SP140L: variants seen among roughly 807,000 people sequenced by gnomAD.
SP140L encodes the protein nuclear body protein SP140-like protein.
A neutral mutation model predicts 84.3 loss-of-function variants in SP140L; 64 were observed. The observed-to-expected ratio is 0.76, with a 90% CI of 0.62 to 0.94. The LOEUF (loss-of-function observed/expected upper bound fraction) is 0.94. Ranked by LOEUF, SP140L falls within the 40% of genes least tolerant of loss-of-function variation. The pLI is 0.00. For synonymous variants in SP140L, 242 were observed against 236.9 expected, an observed-to-expected ratio of 1.02 and a Z score of -0.20; for missense variants, 628 against 692.5, an observed-to-expected ratio of 0.91 and a Z score of 1.05.
At position 230,388,414 on chromosome 2, in the gene SP140L, C is replaced by A. The variant is rs1293645634; in HGVS notation, c.785-145C>A. 6 of 561,932 alleles carry A rather than the reference C, an allele frequency of 1.1e-5. No homozygotes were observed. In the Admixed American group the frequency reaches 2.2e-4, roughly 21 times the overall value. 34.8% of individuals were successfully genotyped at this position (561,932 alleles called of 1,614,324 possible). On this transcript the variant is annotated intron_variant, in intron 9 of 18. Transcript: ENST00000415673. ...ACATTAGCTATCTAATTCTTCATAC[C>A]TTAAAGGCTAGGGTTTAAATCTTTT...
intron 13 of SP140L, among the ~76,000 whole-genome samples, chr2:230,394,503 T>A (rs1255505104): frequency 1.3e-5 from 2 of 152,202 alleles, no homozygotes; most frequent in African/African-American, 4.8e-5. Context: ...AGACATTTCA[T>A]CCACTGGGTT....
chr2:230,353,680 C>T lies in SP140L; in HGVS notation c.108-4125C>T, dbSNP rs145575742. Among the ~76,000 whole-genome samples, 207 of 152,122 alleles carry T rather than the reference C, an allele frequency of 1.4e-3. 3 individuals carry two copies. The highest frequency in any genetic ancestry group is 4.5e-3 in the African/African-American group (185 of 41,520). On this transcript the variant is annotated intron_variant, in intron 2 of 18. Coordinates refer to ENST00000415673, the MANE Select transcript of SP140L (RefSeq NM_138402.6). The stretch of plus-strand genomic sequence containing the variant: ...TTAGTATCAATATCATCAATATTGA[C>T]GATACCTTCGATATCACTAATATTA...
intron 2 of SP140L, among the ~76,000 whole-genome samples, chr2:230,344,452 G>T (rs757864623): frequency 5.3e-5 from 8 of 152,152 alleles, no homozygotes; most frequent in Non-Finnish European, 7.3e-5. Context: ...CATACCGATG[G>T]GTCATGGCTC....
intron 5 of SP140L, among the ~76,000 whole-genome samples, chr2:230,362,606 C>CT (rs2060752018): frequency 6.6e-6 from 1 of 151,696 alleles, no homozygotes; most frequent in Non-Finnish European, 1.5e-5. Context: ...ATGTTATTAA[C>CT]AGCTCACTTT....
intron 5 of SP140L, among the ~76,000 whole-genome samples, chr2:230,368,771 A>G (rs192062498): frequency 6.6e-6 from 1 of 151,884 alleles, no homozygotes; most frequent in Non-Finnish European, 1.5e-5. Flanking sequence ...TATTCATTGT[A>G]TTTTTCAGCT....
At chr2:230,383,674 C>A in intron 8 of SP140L, 99 bp downstream of exon 8, 1 of 1,115,978 alleles carries the variant, frequency 9.0e-7, no homozygotes, top group Non-Finnish European at 1.3e-6. Context: ...CAGGAGAGTT[C>A]TGTACTTCCT....
chr2:230,380,097 G>A lies in SP140L; in HGVS notation c.638-3413G>A, dbSNP rs574063279. ...AGAATACAGGTTTAATTAACTCACAGTACCATGTGACTGGGGAGGCTTCAC... is the reference window on the plus strand; with the variant it reads ...AGAATACAGGTTTAATTAACTCACAATACCATGTGACTGGGGAGGCTTCAC... On this transcript the variant is annotated intron_variant, in intron 7 of 18. Transcript: ENST00000415673. 7.2e-5 allele frequency among the ~76,000 whole-genome samples: 11 copies of A among 152,296 alleles called. No individual in the cohort carries two copies. The East Asian group carries it at 1.7e-3, about 24-fold the overall frequency.
chr2:230,390,062 T>C (rs775058027), intron 11 of SP140L, 39 bp downstream of exon 11: 1 of 1,535,510 alleles, frequency 6.5e-7, no homozygotes, highest in Non-Finnish European at 9.0e-7. Flanking sequence ...AGCTCCTATC[T>C]GAAGGCATCA....
At chr2:230,374,234 T>C (rs2061173431) in intron 7 of SP140L, among the ~76,000 whole-genome samples, 1 of 151,464 alleles carries the variant, frequency 6.6e-6, no homozygotes. Context: ...GAGAATCGCT[T>C]GAACCCGGGA....
At position 230,388,585 on chromosome 2, in the gene SP140L, C is replaced by T. The variant is rs1483938129; in HGVS notation, c.811C>T (p.His271Tyr). Residue 271 changes from histidine to tyrosine, a missense_variant, in exon 10 of 19, where the codon CAC becomes TAC. Coordinates refer to ENST00000415673, the MANE Select transcript of SP140L (RefSeq NM_138402.6). ...GAGAAAGAGAGGCAAACCTGGAACC[C>T]ACTTTACTCAGAGTGACAGAGCTCC... ...RGRKRGKPGT[H>Y]FTQSDRAPQK... The T allele has an allele frequency of 1.2e-5, 20 of 1,608,866 alleles. No homozygotes were observed. The highest frequency in any genetic ancestry group is 1.6e-5 in the Non-Finnish European group (19 of 1,178,614).
At chr2:230,378,533 C>T (rs1326058124) in intron 7 of SP140L, among the ~76,000 whole-genome samples, 3 of 152,098 alleles carry the variant, frequency 2.0e-5, no homozygotes, top group Non-Finnish European at 4.4e-5. Context: ...AACTGGTGGC[C>T]ATGTCAGGTG....
At chr2:230,335,983 T>C (rs998811507) in intron 2 of SP140L, among the ~76,000 whole-genome samples, 4 of 152,180 alleles carry the variant, frequency 2.6e-5, no homozygotes, top group African/African-American at 9.7e-5. Context: ...CTCAAAAGAA[T>C]AAGCTGAACC....
chr2:230,350,228 ACT>A (rs2060325092), intron 2 of SP140L, among the ~76,000 whole-genome samples: 1 of 152,150 alleles, frequency 6.6e-6, no homozygotes, highest in African/African-American at 2.4e-5. Context: ...CAAATGAAAG[ACT>A]TTTTTGTTTA....
chr2:230,347,234 G>C (rs1176369097), intron 2 of SP140L, among the ~76,000 whole-genome samples: 1 of 152,134 alleles, frequency 6.6e-6, no homozygotes, highest in Non-Finnish European at 1.5e-5. Flanking sequence ...CTACTGGCTG[G>C]CTTCTGAGAT....
intron 2 of SP140L, among the ~76,000 whole-genome samples, chr2:230,354,889 G>GAAAT (rs746346255): frequency 7.9e-6 from 1 of 127,236 alleles, no homozygotes; most frequent in Non-Finnish European, 1.7e-5. Flanking sequence ...AAGAAAGAAA[G>GAAAT]AAAGAAAGGA....
intron 9 of SP140L, among the ~76,000 whole-genome samples, chr2:230,385,551 C>T (rs532578709): frequency 3.3e-5 from 5 of 152,272 alleles, no homozygotes; most frequent in African/African-American, 1.2e-4. Context: ...CCTGGGAATT[C>T]CTTTGCCTTA....
At position 230,389,982 on chromosome 2, in the gene SP140L, G is replaced by A; in HGVS notation, c.923G>A (p.Gly308Asp). The change falls in exon 11 of 19, where the codon GGT (glycine) becomes GAT (aspartate). Residue 308 changes from glycine to aspartate, a missense_variant. Gly to Asp is a moderately conservative substitution (Grantham distance 94). Around this residue, in one of 4 missense-constraint regions of SP140L, gnomAD observed 525 missense variants for 518.4 expected, o/e 1.01. Transcript: ENST00000415673. ...FQAPLLPVTCGGVKGILHKEK... is the reference protein window; with the variant it reads ...FQAPLLPVTCDGVKGILHKEK... ...GCTCCTTTACTTCCAGTGACCTGTG[G>A]TGGGGTGAAGGGAATTTTACATAAG... 1 of 1,613,876 alleles carries A rather than the reference G, an allele frequency of 6.2e-7. No homozygotes were observed. Among genetic ancestry groups the A allele is most frequent in the Non-Finnish European group, 8.5e-7 (1 of 1,179,818 alleles).
intron 2 of SP140L, among the ~76,000 whole-genome samples, chr2:230,329,619 C>T (rs2059672399): frequency 6.6e-6 from 1 of 152,156 alleles, no homozygotes; most frequent in Admixed American, 6.5e-5. Flanking sequence ...TAAATGATAG[C>T]TTCCCTTGTG....
At chr2:230,328,616 T>C in intron 1 of SP140L, 141 bp from the exon 2 acceptor site, 1 of 1,115,818 alleles carries the variant, frequency 9.0e-7, no homozygotes, top group African/African-American at 1.6e-5. Flanking sequence ...ATCAATAAGC[T>C]ATAATAATGA....
Sources: gnomAD v4.1 joint callset for allele counts (sites outside exome capture counted in the v4.1 genomes callset) on GRCh38, gnomAD v4.1.1 for gene constraint, gnomAD v4.1.1 regional missense constraint, MANE v1.5 for transcripts, NCBI Gene and HGNC (gene_info 2026-07-23, HGNC 2026-07-21) for gene names.